EYS: variants seen among roughly 807,000 people sequenced by gnomAD.
EYS encodes the protein EGF-like photoreceptor maintenance factor.
EYS carries 250 observed loss-of-function variants against 282.1 expected under a neutral mutation model. The ratio of observed to expected loss-of-function variants is 0.89; its 90% confidence interval spans 0.80 to 0.98. The LOEUF is 0.98. EYS is among the 50% of genes least tolerant of loss of function. The pLI is 0.00. For missense variants in EYS, 4,016 were observed against 3,709.0 expected, an observed-to-expected ratio of 1.08 and a Z score of -2.15; for synonymous variants, 1,355 against 1,282.9, an observed-to-expected ratio of 1.06 and a Z score of -1.20.
At chr6:65,387,948 A>G (rs563053212) in intron 7 of EYS, among the ~76,000 whole-genome samples, 1 of 152,150 alleles carries the variant, frequency 6.6e-6, no homozygotes, top group South Asian at 2.1e-4. Context: ...CATTGAACCT[A>G]TTCCGCTACT....
chr6:64,149,511 A>G (rs1774631229), intron 31 of EYS, among the ~76,000 whole-genome samples: 1 of 152,194 alleles, frequency 6.6e-6, no homozygotes, highest in African/African-American at 2.4e-5. Flanking sequence ...AAGTATCTAC[A>G]ACAATTCAGC....
chr6:65,006,689 A>G (rs1771675497), intron 13 of EYS, among the ~76,000 whole-genome samples: 1 of 152,174 alleles, frequency 6.6e-6, no homozygotes, highest in Non-Finnish European at 1.5e-5. Flanking sequence ...GCTAGGAGGA[A>G]CTCCCTTCAG....
At chr6:64,168,260 C>CAATAAATAAATAAATAAATAAATA (rs377467664) in intron 31 of EYS, among the ~76,000 whole-genome samples, 61 of 151,386 alleles carry the variant, frequency 4.0e-4, no homozygotes, top group African/African-American at 1.4e-3. Flanking sequence ...AACTCCATTT[C>CAATAAATAAATAAATAAATAAATA]AATAAATAAA....
intron 31 of EYS, among the ~76,000 whole-genome samples, chr6:64,095,310 G>T (rs531885858): frequency 6.6e-6 from 1 of 152,230 alleles, no homozygotes; most frequent in East Asian, 1.9e-4. Context: ...GGATATCCTT[G>T]TTAACTTTCT....
chr6:65,589,013 T>C (rs2127366394), intron 2 of EYS, among the ~76,000 whole-genome samples: 1 of 152,112 alleles, frequency 6.6e-6, no homozygotes, highest in African/African-American at 2.4e-5. Flanking sequence ...CTTTAAAAGT[T>C]TCTACTTCCA....
At chr6:65,705,963 T>C (rs904026204) in intron 1 of EYS, among the ~76,000 whole-genome samples, 1 of 151,916 alleles carries the variant, frequency 6.6e-6, no homozygotes, top group African/African-American at 2.4e-5. Flanking sequence ...TGAATCATTA[T>C]TACCTAAATA....
At chr6:65,318,176 ATT>A (rs201347703) in intron 11 of EYS, among the ~76,000 whole-genome samples, 1 of 147,054 alleles carries the variant, frequency 6.8e-6, no homozygotes, top group Non-Finnish European at 1.5e-5. Flanking sequence ...TGGAGGCTCC[ATT>A]TTTTTTTTTA....
At chr6:65,114,159 A>G (rs928212398) in intron 12 of EYS, among the ~76,000 whole-genome samples, 1 of 152,058 alleles carries the variant, frequency 6.6e-6, no homozygotes, top group Admixed American at 6.6e-5. Flanking sequence ...TTTCACTGGT[A>G]TCAAAAAAGT....
At chr6:65,335,256 A>C in intron 10 of EYS, 110 bp from the exon 11 acceptor site, 1 of 806,420 alleles carries the variant, frequency 1.2e-6, no homozygotes, top group East Asian at 2.6e-5. Context: ...CTAAGATGAA[A>C]CCTAGGGTTA....
rs1770160543 is a variant in EYS at position 64,037,111 on chromosome 6, A to C, written c.6725+29227T>G. Among the ~76,000 whole-genome samples the C allele has an allele frequency of 2.6e-5, 4 of 152,328 alleles. No individual in the cohort carries two copies. The South Asian group carries it at 8.3e-4, about 32-fold the overall frequency. ...GTTATATACTACCCTGTCACTTTACATTACAGCTTATTGTATTTTATAATG... is the reference window on the plus strand; with the variant it reads ...GTTATATACTACCCTGTCACTTTACCTTACAGCTTATTGTATTTTATAATG... On this transcript the variant is annotated intron_variant, in intron 33 of 42. Coordinates refer to ENST00000503581, the MANE Select transcript of EYS (RefSeq NM_001142800.2).
intron 13 of EYS, among the ~76,000 whole-genome samples, chr6:65,046,344 T>TCAAG (rs1773099708): frequency 6.6e-6 from 1 of 151,898 alleles, no homozygotes; most frequent in Non-Finnish European, 1.5e-5. Context: ...GATAAATTTA[T>TCAAG]TAGCTCAAGT....
intron 26 of EYS, among the ~76,000 whole-genome samples, chr6:64,469,877 T>C (rs1447268816): frequency 6.6e-6 from 1 of 152,164 alleles, no homozygotes. Flanking sequence ...CCTGTACACC[T>C]GGCTCTGCCT....
chr6:64,727,136 A>G (rs534219052), intron 22 of EYS, among the ~76,000 whole-genome samples: 2 of 152,324 alleles, frequency 1.3e-5, no homozygotes, highest in African/African-American at 4.8e-5. Context: ...ACAAATGTAA[A>G]TAAATAATTT....
At chr6:64,278,205 A>G (rs1768178679) in intron 30 of EYS, among the ~76,000 whole-genome samples, 1 of 152,144 alleles carries the variant, frequency 6.6e-6, no homozygotes, top group South Asian at 2.1e-4. Context: ...AGATATCTTA[A>G]AGAACATTTC....
intron 30 of EYS, among the ~76,000 whole-genome samples, chr6:64,254,656 C>T (rs1767332378): frequency 6.6e-6 from 1 of 152,060 alleles, no homozygotes; most frequent in Admixed American, 6.6e-5. Context: ...ATGGTAATAG[C>T]TTGTCAGCTG....
chr6:65,620,960 G>T (rs1766457153), intron 2 of EYS, among the ~76,000 whole-genome samples: 1 of 152,156 alleles, frequency 6.6e-6, no homozygotes, highest in Non-Finnish European at 1.5e-5. Flanking sequence ...GCTGAGGACA[G>T]CTTTACTTCC....
At chr6:63,958,906 A>C (rs1214904556) in intron 35 of EYS, among the ~76,000 whole-genome samples, 1 of 152,178 alleles carries the variant, frequency 6.6e-6, no homozygotes, top group Non-Finnish European at 1.5e-5. Flanking sequence ...GTTCGCTGAC[A>C]ATGCACCTGG....
rs147392033 is a variant in EYS, at chr6:63,952,508, C to T, written c.7055+31875G>A. ...TTTCAAGGGCCTGTTACACTTGCCT[C>T]CATAACTGTTGTAGGTATTGATGGC... On this transcript the variant is annotated intron_variant, in intron 35 of 42. Transcript: ENST00000503581. Among the ~76,000 whole-genome samples, 1,396 of 152,226 alleles carry T rather than the reference C, an allele frequency of 9.2e-3. 24 individuals are homozygous for T. The highest frequency in any genetic ancestry group is 0.032 in the African/African-American group (1,340 of 41,540).
At chr6:63,755,850 T>C (rs1231197485) in intron 41 of EYS, among the ~76,000 whole-genome samples, 3 of 152,226 alleles carry the variant, frequency 2.0e-5, no homozygotes, top group Non-Finnish European at 2.9e-5. Flanking sequence ...GTCCTTCACA[T>C]CCCTTGTAAA....
Sources: allele counts gnomAD v4.1 joint callset (sites outside exome capture counted in the v4.1 genomes callset), GRCh38; gene constraint gnomAD v4.1.1; transcripts MANE v1.5; gene names NCBI Gene and HGNC (gene_info 2026-07-23, HGNC 2026-07-21).